GCNT1: variants seen among roughly 807,000 people sequenced by gnomAD.
GCNT1 encodes glucosaminyl (N-acetyl) transferase 1, also known as beta-1,3-galactosyl-O-glycosyl-glycoprotein beta-1,6-N-acetylglucosaminyltransferase.
A neutral mutation model predicts 26.2 loss-of-function variants in GCNT1; 16 were observed. That is an observed-to-expected ratio of 0.61 (90% confidence interval 0.41 to 0.93). GCNT1 has a LOEUF of 0.93. GCNT1 is among the 40% of genes least tolerant of loss of function. GCNT1 has a pLI of 0.00. For missense variants in GCNT1, 477 were observed against 526.7 expected (o/e 0.91, Z 0.92); for synonymous variants, 183 against 190.8 (o/e 0.96, Z 0.34).
intron 2 of GCNT1, among the ~76,000 whole-genome samples, chr9:76,467,331 C>A (rs904100086): frequency 6.6e-6 from 1 of 152,158 alleles, no homozygotes; most frequent in Non-Finnish European, 1.5e-5. Context: ...CGTGAGCCAC[C>A]TCACCCAGCC....
At chr9:76,407,067 A>G in the GCNT1 span, among the ~76,000 whole-genome samples, 2 of 152,190 alleles carry the variant, frequency 1.3e-5, no homozygotes, top group Admixed American at 6.6e-5. Flanking sequence ...AGTCATTCCC[A>G]TACACAAGGT....
chr9:76,428,172 A>G (rs1019269589), intron 1 of GCNT1, among the ~76,000 whole-genome samples: 3 of 148,504 alleles, frequency 2.0e-5, no homozygotes, highest in African/African-American at 7.4e-5. Context: ...AGGCTGAGGC[A>G]GGAGAATGGC....
intron 2 of GCNT1, among the ~76,000 whole-genome samples, chr9:76,492,102 G>A (rs113172164): frequency 0.029 from 4,362 of 152,218 alleles, 208 homozygotes; most frequent in African/African-American, 0.098. Context: ...GAGTAAGGAC[G>A]CTAAGAGCTA....
chr9:76,467,579 C>G (rs966683715), intron 2 of GCNT1, among the ~76,000 whole-genome samples: 9 of 152,130 alleles, frequency 5.9e-5, no homozygotes, highest in Non-Finnish European at 1.0e-4. Context: ...TTTTTGAAAG[C>G]TCCCTGGTGG....
At chr9:76,475,006 G>A (rs1048409790) in intron 2 of GCNT1, among the ~76,000 whole-genome samples, 1 of 152,142 alleles carries the variant, frequency 6.6e-6, no homozygotes, top group African/African-American at 2.4e-5. Flanking sequence ...GCACGATCTC[G>A]GTTCAAGCGA....
intron 2 of GCNT1, among the ~76,000 whole-genome samples, chr9:76,460,879 C>T (rs375662547): frequency 1.4e-3 from 217 of 152,316 alleles, no homozygotes; most frequent in African/African-American, 5.0e-3. Context: ...AGCCTTGGCC[C>T]CAAGTTTGTA....
rs1825225496 is a variant in GCNT1 at position 76,505,901 on chromosome 9, A to G, written c.*2233A>G. ...CTATTTCCCCAAGCGCCACATTATAACTGTAAACTTACCATCTTCTATGTA... is the reference window on the plus strand; with the variant it reads ...CTATTTCCCCAAGCGCCACATTATAGCTGTAAACTTACCATCTTCTATGTA... On this transcript the variant is annotated 3_prime_UTR_variant, in exon 4 of 4. Coordinates refer to ENST00000376730, the MANE Select transcript of GCNT1 (RefSeq NM_001490.5). The G allele has an allele frequency of 6.0e-6, 1 of 166,292 alleles. No individual in the cohort carries two copies. The highest frequency in any genetic ancestry group is 2.4e-5 in the African/African-American group (1 of 41,480). 10.3% of individuals were successfully genotyped at this position (166,292 alleles called of 1,614,324 possible).
chr9:76,415,756 T>C (rs577400863), upstream of GCNT1, among the ~76,000 whole-genome samples: 2 of 152,186 alleles, frequency 1.3e-5, no homozygotes, highest in Admixed American at 1.3e-4. Flanking sequence ...TATTGACAAC[T>C]AATTACACAA....
intron 1 of GCNT1, among the ~76,000 whole-genome samples, chr9:76,425,854 G>A (rs1165874819): frequency 6.6e-6 from 1 of 152,074 alleles, no homozygotes; most frequent in Non-Finnish European, 1.5e-5. Context: ...TGCTGAGTCA[G>A]TTTTTGAGTG....
chr9:76,477,529 A>C (rs1222659724), intron 2 of GCNT1, among the ~76,000 whole-genome samples: 1 of 151,484 alleles, frequency 6.6e-6, no homozygotes, highest in African/African-American at 2.4e-5. Flanking sequence ...CTGTCTCCAA[A>C]AAAAAAAAGC....
At chr9:76,396,982 T>G in the GCNT1 span, among the ~76,000 whole-genome samples, 2 of 150,224 alleles carry the variant, frequency 1.3e-5, no homozygotes, top group East Asian at 4.1e-4. Context: ...CAAGACACGG[T>G]CACTAAAAAA....
chr9:76,425,181 A>G (rs1823244345), intron 1 of GCNT1, among the ~76,000 whole-genome samples: 1 of 150,762 alleles, frequency 6.6e-6, no homozygotes. Flanking sequence ...CATCACAAAA[A>G]GTTCACATGA....
chr9:76,394,737 T>G, the GCNT1 span, among the ~76,000 whole-genome samples: 4 of 151,708 alleles, frequency 2.6e-5, no homozygotes, highest in Non-Finnish European at 4.4e-5. Flanking sequence ...ACAATTCTGG[T>G]TTTTTTTTCT....
chr9:76,485,855 C>G (rs112467465), intron 2 of GCNT1, among the ~76,000 whole-genome samples: 1,792 of 152,272 alleles, frequency 0.012, 13 homozygotes, highest in Middle Eastern at 0.034. Flanking sequence ...GCCTCAGCCT[C>G]CCAAGTAGCT....
At chr9:76,417,461 A>G (rs1823142691), upstream of GCNT1, among the ~76,000 whole-genome samples, 1 of 152,232 alleles carries the variant, frequency 6.6e-6, no homozygotes, top group Admixed American at 6.5e-5. Flanking sequence ...ACATGCACTC[A>G]TTACTCAGTA....
intron 1 of GCNT1, among the ~76,000 whole-genome samples, chr9:76,435,204 C>T (rs538120793): frequency 3.3e-5 from 5 of 152,174 alleles, no homozygotes; most frequent in East Asian, 1.9e-4. Flanking sequence ...CTTTTAAAAT[C>T]CCTAATGAAA....
the GCNT1 span, chr9:76,398,819 AG>A: frequency 7.1e-7 from 1 of 1,402,632 alleles, no homozygotes; most frequent in East Asian, 2.3e-5. Flanking sequence ...CATCTGTAAA[AG>A]GAAAAGTAAT....
At chr9:76,473,352 G>C (rs1265936211) in intron 2 of GCNT1, among the ~76,000 whole-genome samples, 1 of 152,110 alleles carries the variant, frequency 6.6e-6, no homozygotes, top group Non-Finnish European at 1.5e-5. Context: ...AATCTATTTT[G>C]TATAATAGAT....
chr9:76,401,491 A>AT, the GCNT1 span, among the ~76,000 whole-genome samples: 2 of 152,232 alleles, frequency 1.3e-5, no homozygotes, highest in African/African-American at 2.4e-5. Flanking sequence ...AATTTACTTC[A>AT]TGTAGTACAA....
Sources: allele counts gnomAD v4.1 joint callset (sites outside exome capture counted in the v4.1 genomes callset), GRCh38; gene constraint gnomAD v4.1.1; transcripts MANE v1.5; gene names NCBI Gene and HGNC (gene_info 2026-07-23, HGNC 2026-07-21).